GALNTL6: variants seen among roughly 807,000 people sequenced by gnomAD.
The protein encoded by GALNTL6 is polypeptide N-acetylgalactosaminyltransferase-like 6.
In GALNTL6, 46 loss-of-function variants were observed where a neutral mutation model predicts 73.7. That is an observed-to-expected ratio of 0.62 (90% CI 0.49 to 0.80). The LOEUF is 0.80. Ranked by LOEUF, GALNTL6 falls within the 30% of genes least tolerant of loss-of-function variation. The pLI is 0.00. For missense variants in GALNTL6, 604 were observed against 755.0 expected (o/e 0.80, Z 2.34); for synonymous variants, 259 against 263.7 (o/e 0.98, Z 0.17).
intron 5 of GALNTL6, among the ~76,000 whole-genome samples, chr4:172,606,700 G>A (rs1223592240): frequency 1.3e-5 from 1 of 78,262 alleles, no homozygotes; most frequent in African/African-American, 4.1e-5. Context: ...TATATATATA[G>A]TGTGTATATA....
intron 2 of GALNTL6, among the ~76,000 whole-genome samples, chr4:172,210,899 T>C (rs777373114): frequency 1.3e-5 from 2 of 152,230 alleles, no homozygotes; most frequent in East Asian, 3.8e-4. Context: ...ACAGACATGT[T>C]TTTAGTACTT....
At chr4:172,484,799 CTT>C (rs993116408) in intron 5 of GALNTL6, among the ~76,000 whole-genome samples, 2 of 152,052 alleles carry the variant, frequency 1.3e-5, no homozygotes, top group Non-Finnish European at 2.9e-5. Context: ...AGATTTTTCT[CTT>C]AAGGTATTTT....
intron 2 of GALNTL6, 85 bp downstream of exon 2, chr4:171,814,803 C>G: frequency 7.1e-7 from 1 of 1,417,042 alleles, no homozygotes. Context: ...GGTGTGGGAT[C>G]GCCTTGGGTT....
intron 2 of GALNTL6, among the ~76,000 whole-genome samples, chr4:172,095,509 T>C (rs1223530227): frequency 6.6e-6 from 1 of 152,150 alleles, no homozygotes; most frequent in Non-Finnish European, 1.5e-5. Context: ...AGCAGTACCC[T>C]TTGTTATATA....
At chr4:172,489,617 T>C (rs985507511) in intron 5 of GALNTL6, among the ~76,000 whole-genome samples, 5 of 152,224 alleles carry the variant, frequency 3.3e-5, no homozygotes, top group African/African-American at 1.2e-4. Context: ...TTGTATGTTT[T>C]CTTATTCATT....
intron 5 of GALNTL6, among the ~76,000 whole-genome samples, chr4:172,693,502 T>G (rs1048766565): frequency 6.6e-6 from 1 of 152,154 alleles, no homozygotes; most frequent in Non-Finnish European, 1.5e-5. Flanking sequence ...ATTCACAACA[T>G]TTTAGAGAGT....
At chr4:172,109,199 T>C (rs1732779574) in intron 2 of GALNTL6, among the ~76,000 whole-genome samples, 1 of 152,166 alleles carries the variant, frequency 6.6e-6, no homozygotes, top group South Asian at 2.1e-4. Context: ...CTTTTAGTTC[T>C]AAGGCTCTCA....
intron 3 of GALNTL6, among the ~76,000 whole-genome samples, chr4:172,244,101 A>C (rs1737544595): frequency 6.6e-6 from 1 of 152,184 alleles, no homozygotes; most frequent in South Asian, 2.1e-4. Context: ...TTTGTTGGGA[A>C]GTGGTCAGCT....
At chr4:172,713,421 TC>T (rs1734847729) in intron 5 of GALNTL6, among the ~76,000 whole-genome samples, 1 of 151,896 alleles carries the variant, frequency 6.6e-6, no homozygotes, top group Admixed American at 6.6e-5. Context: ...CTGGCAGCAT[TC>T]CCTCTTGCTG....
At chr4:172,522,673 C>T (rs931412704) in intron 5 of GALNTL6, among the ~76,000 whole-genome samples, 23 of 63,342 alleles carry the variant, frequency 3.6e-4, no homozygotes, top group Non-Finnish European at 6.3e-4. Flanking sequence ...AGTCCCCCCC[C>T]CCCCCAAAAA....
At chr4:172,906,632 C>T (rs544370563) in intron 8 of GALNTL6, among the ~76,000 whole-genome samples, 1 of 152,326 alleles carries the variant, frequency 6.6e-6, no homozygotes, top group South Asian at 2.1e-4. Flanking sequence ...TGGTTGTTGG[C>T]AGAATCCATT....
rs564730302 is a variant in GALNTL6 at position 172,731,839 on chromosome 4, G to T, written c.554-77522G>T. Among the ~76,000 whole-genome samples, 4 of 152,066 alleles carry T rather than the reference G, an allele frequency of 2.6e-5. No individual in the cohort carries two copies. In the East Asian group the frequency reaches 7.7e-4, roughly 29 times the overall value. Reference sequence around the variant, plus strand: ...TGGTTTTTTAAATTTCCATTTGTTTGTGAATTTTCCAGGGTTCATCTTGTT... The same window carrying T: ...TGGTTTTTTAAATTTCCATTTGTTTTTGAATTTTCCAGGGTTCATCTTGTT... On this transcript the variant is annotated intron_variant, in intron 5 of 12. Coordinates refer to ENST00000506823, the MANE Select transcript of GALNTL6 (RefSeq NM_001034845.3).
At chr4:172,813,329 G>C (rs556999053) in intron 6 of GALNTL6, among the ~76,000 whole-genome samples, 2 of 152,210 alleles carry the variant, frequency 1.3e-5, no homozygotes, top group South Asian at 2.1e-4. Flanking sequence ...CTTTCTTAAA[G>C]GAAAATACAA....
intron 5 of GALNTL6, among the ~76,000 whole-genome samples, chr4:172,479,926 A>G (rs1365058592): frequency 6.6e-6 from 1 of 152,222 alleles, no homozygotes; most frequent in African/African-American, 2.4e-5. Context: ...TTCTCTTATC[A>G]GAGACACATG....
chr4:172,894,096 T>A (rs1561018892), intron 8 of GALNTL6, among the ~76,000 whole-genome samples: 1 of 152,224 alleles, frequency 6.6e-6, no homozygotes, highest in Admixed American at 6.5e-5. Context: ...AGTGTGATGG[T>A]TTACTCAATA....
chr4:172,779,853 T>G (rs1381226422), intron 5 of GALNTL6, among the ~76,000 whole-genome samples: 2 of 150,992 alleles, frequency 1.3e-5, no homozygotes, highest in East Asian at 1.9e-4. Flanking sequence ...TTTAGAGAGA[T>G]TTTTTTTTCC....
At chr4:172,092,415 A>C (rs929396074) in intron 2 of GALNTL6, among the ~76,000 whole-genome samples, 1 of 152,150 alleles carries the variant, frequency 6.6e-6, no homozygotes, top group Non-Finnish European at 1.5e-5. Flanking sequence ...ATAATTTAAT[A>C]CATAAAATAA....
intron 5 of GALNTL6, among the ~76,000 whole-genome samples, chr4:172,642,580 G>A (rs1228572931): frequency 6.6e-6 from 1 of 151,858 alleles, no homozygotes; most frequent in African/African-American, 2.4e-5. Flanking sequence ...TGGGAGACAG[G>A]GAGAGATGTG....
At chr4:172,203,657 C>T (rs1285869779) in intron 2 of GALNTL6, among the ~76,000 whole-genome samples, 1 of 152,114 alleles carries the variant, frequency 6.6e-6, no homozygotes, top group African/African-American at 2.4e-5. Flanking sequence ...CTTCATTTGA[C>T]CTCCAGACCC....
Sources: gnomAD v4.1 joint callset for allele counts (sites outside exome capture counted in the v4.1 genomes callset) on GRCh38, gnomAD v4.1.1 for gene constraint, MANE v1.5 for transcripts, NCBI Gene and HGNC (gene_info 2026-07-23, HGNC 2026-07-21) for gene names.